LINGO3: variants seen among roughly 807,000 people sequenced by gnomAD.
LINGO3 encodes leucine-rich repeat and immunoglobulin-like domain-containing nogo receptor-interacting protein 3.
For missense variants in LINGO3, 750 were observed against 867.7 expected (o/e 0.86, Z 1.70); for synonymous variants, 427 against 444.2 (o/e 0.96, Z 0.49).
downstream of LINGO3, among the ~76,000 whole-genome samples, chr19:2,289,031 G>A (rs908589025): frequency 3.3e-5 from 5 of 151,772 alleles, no homozygotes; most frequent in Admixed American, 6.6e-5. Flanking sequence ...GGTGTGAGCT[G>A]TGTGTTCCAG....
the LINGO3 span, among the ~76,000 whole-genome samples, chr19:2,299,492 C>T: frequency 5.4e-4 from 82 of 151,744 alleles, 1 homozygote; most frequent in African/African-American, 1.9e-3. Flanking sequence ...GGTGCGATCT[C>T]GGCTCACTGC....
exon 1 of LINGO3, chr19:2,291,553 G>C (rs768010341): frequency 2.5e-6 from 4 of 1,592,228 alleles, no homozygotes; most frequent in Non-Finnish European, 3.4e-6. Flanking sequence ...GGGCAGCGCG[G>C]CCAGGTCGCC....
exon 1 of LINGO3, chr19:2,291,805 C>A: frequency 1.4e-6 from 2 of 1,459,550 alleles, no homozygotes; most frequent in South Asian, 1.3e-5. Flanking sequence ...AGGGCCGCGC[C>A]ACCATCCTCC....
At chr19:2,303,509 G>A in the LINGO3 span, among the ~76,000 whole-genome samples, 3 of 152,126 alleles carry the variant, frequency 2.0e-5, no homozygotes, top group Non-Finnish European at 2.9e-5. Context: ...TTGCGGGGGT[G>A]GGAGCCCTAG....
At chr19:2,305,366 A>C in the LINGO3 span, among the ~76,000 whole-genome samples, 2 of 151,892 alleles carry the variant, frequency 1.3e-5, no homozygotes, top group Admixed American at 6.6e-5. Context: ...ATCCTGGATT[A>C]ATGGTCCTGG....
At position 2,290,988 on chromosome 19, in the gene LINGO3, G is replaced by T. The variant is rs2025513824; in HGVS notation, c.789C>A (p.Ala263=). Reference sequence around the variant, plus strand: ...GGTGCGCCTGGTGCCGCAGCGCGGCGGCCGGCACGGCGGTGATGTTGGTGT... The same window carrying T: ...GGTGCGCCTGGTGCCGCAGCGCGGCTGCCGGCACGGCGGTGATGTTGGTGT... The change falls in exon 1 of 1, where the codon GCC becomes GCA. Residue 263 remains alanine, a synonymous_variant. Transcript: ENST00000585527. The surrounding 1 kb of genome is among the most constrained non-coding windows in gnomAD (Gnocchi z 6.0). 2 of 1,611,712 alleles carry T rather than the reference G, an allele frequency of 1.2e-6. No homozygotes were observed. Among genetic ancestry groups the T allele is most frequent in the East Asian group, 4.5e-5 (2 of 44,856 alleles).
the LINGO3 span, among the ~76,000 whole-genome samples, chr19:2,303,092 AC>A: frequency 6.6e-6 from 1 of 151,132 alleles, no homozygotes; most frequent in Non-Finnish European, 1.5e-5. Context: ...ACATTCCATC[AC>A]CCCCAAAAGG....
At chr19:2,300,052 T>G in the LINGO3 span, among the ~76,000 whole-genome samples, 2 of 108,728 alleles carry the variant, frequency 1.8e-5, no homozygotes, top group Admixed American at 1.2e-4. Flanking sequence ...TTTTATTGAG[T>G]CGGAGTCTCA....
exon 1 of LINGO3, chr19:2,291,776 TGGTGCGGAGCGTGGGCCTA>T (rs1261400889): frequency 7.1e-7 from 1 of 1,400,902 alleles, no homozygotes. Context: ...CAGCAGGTCA[TGGTGCGGAGCGTGGGCCTA>T]GGGCCGCGCC....
the LINGO3 span, among the ~76,000 whole-genome samples, chr19:2,308,042 G>A: frequency 6.6e-6 from 1 of 150,984 alleles, no homozygotes; most frequent in Non-Finnish European, 1.5e-5. Context: ...GTCTGCGGGC[G>A]CGCCCCACGC....
chr19:2,306,540 G>A, the LINGO3 span, among the ~76,000 whole-genome samples: 3 of 152,206 alleles, frequency 2.0e-5, no homozygotes, highest in Admixed American at 6.5e-5. Flanking sequence ...GGGGGTGGAC[G>A]GCTGAGGCTG....
the LINGO3 span, among the ~76,000 whole-genome samples, chr19:2,305,413 T>TG: frequency 6.6e-6 from 1 of 152,086 alleles, no homozygotes; most frequent in Non-Finnish European, 1.5e-5. Flanking sequence ...AGTGTGGCTG[T>TG]GAGTGGCCGG....
At chr19:2,296,920 C>T (rs1257604308), upstream of LINGO3, among the ~76,000 whole-genome samples, 1 of 151,638 alleles carries the variant, frequency 6.6e-6, no homozygotes, top group East Asian at 2.0e-4. Context: ...AACCCCGTCT[C>T]TACTAAAAAA....
At chr19:2,299,713 T>C in the LINGO3 span, among the ~76,000 whole-genome samples, 1 of 130,178 alleles carries the variant, frequency 7.7e-6, no homozygotes, top group Non-Finnish European at 1.6e-5. Context: ...CGTGAGCCAC[T>C]GTGCCCTGCC....
the LINGO3 span, among the ~76,000 whole-genome samples, chr19:2,301,593 C>T: frequency 2.0e-4 from 31 of 152,056 alleles, no homozygotes; most frequent in African/African-American, 7.5e-4. Flanking sequence ...AGACGGACGG[C>T]GACGTGCTCA....
chr19:2,295,596 C>G (rs2025565214), upstream of LINGO3, among the ~76,000 whole-genome samples: 1 of 152,050 alleles, frequency 6.6e-6, no homozygotes, highest in South Asian at 2.1e-4. Flanking sequence ...ACTAGCCGGG[C>G]GTGGTGATGG....
chr19:2,307,608 C>T, the LINGO3 span, among the ~76,000 whole-genome samples: 2 of 152,204 alleles, frequency 1.3e-5, no homozygotes, highest in Non-Finnish European at 2.9e-5. Context: ...GAGCAGGCTC[C>T]GGTGTGGACC....
Position 2,290,992 on chromosome 19 carries a change from G to A in LINGO3, c.785C>T (p.Pro262Leu). 2 of 1,611,502 alleles carry A rather than the reference G, an allele frequency of 1.2e-6. No individual in the cohort carries two copies. Among genetic ancestry groups the A allele is most frequent in the Non-Finnish European group, 1.7e-6 (2 of 1,179,434 alleles). Residue 262 changes from proline (P) to leucine (L), a missense_variant, in exon 1 of 1, where the codon CCG becomes CTG. Pro to Leu is a moderately conservative substitution (Grantham distance 98, BLOSUM62 -3). Coordinates refer to ENST00000585527, the Ensembl canonical transcript of LINGO3. This position sits in a 1 kb window ranked among gnomAD's most constrained non-coding sequence, Gnocchi z 6.0. ...CGCCTGGTGCCGCAGCGCGGCGGCC[G>A]GCACGGCGGTGATGTTGGTGTGGGT...
chr19:2,297,370 T>C, the LINGO3 span, among the ~76,000 whole-genome samples: 111,732 of 142,566 alleles, frequency 0.78, 44,171 homozygotes, highest in East Asian at 0.9. Context: ...AGTGGCATGA[T>C]CTCTGTTCAC....
Sources: gnomAD v4.1 joint callset for allele counts (sites outside exome capture counted in the v4.1 genomes callset) on GRCh38, gnomAD v4.1.1 for gene constraint, Gnocchi (gnomAD v3.1) non-coding constraint, MANE v1.5 for transcripts, NCBI Gene and HGNC (gene_info 2026-07-23, HGNC 2026-07-21) for gene names.